Variants in CCDC146 observed in about 807,000 individuals in gnomAD.
The protein encoded by CCDC146 is coiled-coil domain containing 146, also known as coiled-coil domain-containing protein 146.
In CCDC146, 92 loss-of-function variants were observed where a neutral mutation model predicts 119.3. The observed-to-expected ratio is 0.77, with a 90% CI of 0.65 to 0.92. The LOEUF (loss-of-function observed/expected upper bound fraction) is 0.92, where lower values mean the gene tolerates loss of function less well. Among genes scored for constraint, CCDC146 ranks in the 40% least tolerant of loss-of-function variants. The pLI, the probability that CCDC146 is intolerant of heterozygous loss-of-function variation, is 0.00. For synonymous variants in CCDC146, 372 were observed against 371.8 expected (o/e 1.00, Z -0.01); for missense variants, 1,000 against 1,103.0 (o/e 0.91, Z 1.32).
intron 2 of CCDC146, among the ~76,000 whole-genome samples, chr7:77,227,974 G>A (rs186128947): frequency 3.3e-5 from 5 of 152,030 alleles, no homozygotes; most frequent in Non-Finnish European, 4.4e-5. Flanking sequence ...CATCTTCTAC[G>A]GACAGTTCTT....
At chr7:77,286,708 C>G in intron 15 of CCDC146, 90 bp from the exon 16 acceptor site, 1 of 1,340,468 alleles carries the variant, frequency 7.5e-7, no homozygotes, top group Non-Finnish European at 1.0e-6. Flanking sequence ...GTTGGTCCTA[C>G]TAAAAAACTC....
chr7:77,181,057 T>A (rs1791579753), intron 2 of CCDC146, among the ~76,000 whole-genome samples: 2 of 152,240 alleles, frequency 1.3e-5, no homozygotes, highest in African/African-American at 2.4e-5. Context: ...GATCAGGGGA[T>A]AATTGTCATT....
chr7:77,284,926 C>T (rs954155323), intron 15 of CCDC146, among the ~76,000 whole-genome samples: 1 of 151,960 alleles, frequency 6.6e-6, no homozygotes, highest in Non-Finnish European at 1.5e-5. Flanking sequence ...CCCTGTTCTG[C>T]AGTGTCAGAT....
At chr7:77,176,583 G>A (rs1162386648) in intron 2 of CCDC146, among the ~76,000 whole-genome samples, 2 of 152,116 alleles carry the variant, frequency 1.3e-5, no homozygotes, top group Non-Finnish European at 2.9e-5. Context: ...TCTGGCTAGA[G>A]GTGTAGTAGA....
At position 77,260,029 on chromosome 7, in the gene CCDC146, T is replaced by C; in HGVS notation, c.779T>C (p.Ile260Thr). 2 of 1,597,728 alleles carry C rather than the reference T, an allele frequency of 1.3e-6. No individual in the cohort carries two copies. Among genetic ancestry groups the C allele is most frequent in the Non-Finnish European group, 8.5e-7 (1 of 1,171,672 alleles). Residue 260 changes from isoleucine to threonine, a missense_variant, in exon 8 of 19, where the codon ATT (isoleucine) becomes ACT (threonine). Coordinates refer to ENST00000285871, the MANE Select transcript of CCDC146 (RefSeq NM_020879.3). ...TACAGAGAAATGGAAAAGAAAAAAA[T>C]TGTCTTGGAACAAGAAGTCAAAACG... is the stretch of plus-strand genomic sequence containing the variant. ...RKKVEMEKKK[I>T]VLEQEVKTLN...
intron 1 of CCDC146, among the ~76,000 whole-genome samples, chr7:77,127,883 A>T (rs1662761386): frequency 6.6e-6 from 1 of 151,996 alleles, no homozygotes. Flanking sequence ...GATTTCCTCA[A>T]ATCTATGTTC....
intron 9 of CCDC146, among the ~76,000 whole-genome samples, chr7:77,265,172 A>G (rs1793377187): frequency 6.6e-6 from 1 of 152,230 alleles, no homozygotes; most frequent in Non-Finnish European, 1.5e-5. Flanking sequence ...CCTCAGTCAT[A>G]GTAAGATTTA....
chr7:77,279,930 C>T (rs1245351411), intron 13 of CCDC146, among the ~76,000 whole-genome samples: 1 of 152,050 alleles, frequency 6.6e-6, no homozygotes, highest in Admixed American at 6.6e-5. Context: ...ATAAAGTGGC[C>T]TCATTTCAGG....
intron 2 of CCDC146, among the ~76,000 whole-genome samples, chr7:77,225,989 A>G (rs1321009404): frequency 2.6e-5 from 4 of 152,258 alleles, no homozygotes; most frequent in South Asian, 2.1e-4. Flanking sequence ...AGAAGCTATT[A>G]CTGATGACTC....
chr7:77,294,540 T>C (rs1794011505), intron 18 of CCDC146, 123 bp from the exon 19 acceptor site: 7 of 669,520 alleles, frequency 1.0e-5, no homozygotes, highest in Admixed American at 2.4e-5. Context: ...TCCCATCCCT[T>C]TGGGGAGTAT....
chr7:77,161,950 C>T (rs1374914156), intron 1 of CCDC146, among the ~76,000 whole-genome samples: 11 of 151,974 alleles, frequency 7.2e-5, no homozygotes, highest in East Asian at 1.9e-4. Context: ...ATGTTTTCTT[C>T]GGAAAAATGT....
intron 17 of CCDC146, among the ~76,000 whole-genome samples, chr7:77,290,479 G>A (rs1022167848): frequency 1.3e-5 from 2 of 152,154 alleles, no homozygotes; most frequent in Non-Finnish European, 2.9e-5. Flanking sequence ...AAAAGGAAAG[G>A]CAGCAACATT....
At chr7:77,206,648 CATATATATAT>C (rs59790661) in intron 2 of CCDC146, among the ~76,000 whole-genome samples, 4 of 139,194 alleles carry the variant, frequency 2.9e-5, no homozygotes, top group African/African-American at 8.0e-5. Context: ...AAGAAACATA[CATATATATAT>C]ATATATATAT....
intron 2 of CCDC146, among the ~76,000 whole-genome samples, chr7:77,180,479 G>T (rs1791569637): frequency 1.3e-5 from 2 of 152,126 alleles, no homozygotes; most frequent in Admixed American, 1.3e-4. Context: ...CAGGCAGATT[G>T]CTTGAGCTCA....
chr7:77,267,004 T>G (rs1793417446), intron 9 of CCDC146, among the ~76,000 whole-genome samples: 1 of 151,690 alleles, frequency 6.6e-6, no homozygotes, highest in Non-Finnish European at 1.5e-5. Flanking sequence ...TTTTTTTTTT[T>G]TTTTTGAGAC....
At position 77,256,417 on chromosome 7, in the gene CCDC146, A is replaced by C. The variant is rs916578459; in HGVS notation, c.592A>C (p.Asn198His). 2 of 1,607,938 alleles carry C rather than the reference A, an allele frequency of 1.2e-6. No individual in the cohort carries two copies. Among genetic ancestry groups the C allele is most frequent in the Non-Finnish European group, 1.7e-6 (2 of 1,177,438 alleles). ...AATGCAGAAGAAATTAGAAATTAAA[A>C]ATTTACGAGAAGATTTGGCATCTAA... The part of the protein sequence containing the change: ...EIMQKKLEIK[N>H]LREDLASKQK... The change falls in exon 6 of 19, where the codon AAT becomes CAT. Residue 198 changes from asparagine to histidine, a missense_variant. This residue lies in a region of CCDC146 where 985 missense variants were observed against 1,045.3 expected (regional missense o/e 0.94). Coordinates refer to ENST00000285871, the MANE Select transcript of CCDC146 (RefSeq NM_020879.3).
intron 2 of CCDC146, chr7:77,199,290 G>A (rs759225514): frequency 1.2e-6 from 2 of 1,614,054 alleles, no homozygotes; most frequent in East Asian, 4.5e-5. Flanking sequence ...AATTTTCTAT[G>A]TTGTTCATAT....
At chr7:77,183,187 G>A (rs1791615675) in intron 2 of CCDC146, among the ~76,000 whole-genome samples, 1 of 151,778 alleles carries the variant, frequency 6.6e-6, no homozygotes, top group South Asian at 2.1e-4. Flanking sequence ...CTCAGAAACA[G>A]GGCTTCCCAC....
intron 2 of CCDC146, among the ~76,000 whole-genome samples, chr7:77,201,688 T>G (rs963424770): frequency 6.6e-6 from 1 of 152,224 alleles, no homozygotes; most frequent in Non-Finnish European, 1.5e-5. Context: ...TGACTTTTTT[T>G]CTTCCATCTT....
Sources: gnomAD v4.1 joint callset for allele counts (sites outside exome capture counted in the v4.1 genomes callset) on GRCh38, gnomAD v4.1.1 for gene constraint, gnomAD v4.1.1 regional missense constraint, MANE v1.5 for transcripts, NCBI Gene and HGNC (gene_info 2026-07-23, HGNC 2026-07-21) for gene names.